The following URB1 variants were observed in gnomAD, a reference collection of about 807,000 sequenced individuals.
The protein encoded by URB1 is nucleolar pre-ribosomal-associated protein 1.
A neutral mutation model predicts 242.3 loss-of-function variants in URB1; 197 were observed. That is an observed-to-expected ratio of 0.81 (90% CI 0.72 to 0.91). The LOEUF is 0.91. Among genes scored for constraint, URB1 ranks in the 40% least tolerant of loss-of-function variants. URB1 has a pLI of 0.00. For missense variants in URB1, 2,721 were observed against 2,860.5 expected (o/e 0.95, Z 1.11); for synonymous variants, 1,153 against 1,201.8 (o/e 0.96, Z 0.84).
chr21:32,332,050 C>G (rs1417734508), intron 30 of URB1, among the ~76,000 whole-genome samples: 1 of 152,196 alleles, frequency 6.6e-6, no homozygotes, highest in East Asian at 1.9e-4. Context: ...CCATCTCAAC[C>G]AACAGTCACA....
At chr21:32,377,833 A>C (rs960767868) in intron 5 of URB1, among the ~76,000 whole-genome samples, 2 of 152,134 alleles carry the variant, frequency 1.3e-5, no homozygotes, top group Non-Finnish European at 2.9e-5. Context: ...CCTCACCTCC[A>C]GACAGGCCAG....
chr21:32,319,115 C>T (rs1297645244), intron 36 of URB1, 102 bp downstream of exon 36: 2 of 1,196,038 alleles, frequency 1.7e-6, no homozygotes, highest in Non-Finnish European at 2.3e-6. Context: ...GCCCAGCGTC[C>T]CCCTGGTACA....
chr21:32,316,683 G>C lies in URB1; in HGVS notation c.6417C>G (p.Leu2139=). The stretch of plus-strand genomic sequence containing the variant: ...TGCTCCTCACGGCACTGTCCTTAAG[G>C]AGGTCAGCCACGACCACAGGGTGTG... The part of the protein sequence containing the change: ...ILPHPVVVAD[L]LKDSAVRSSI... The change falls in exon 38 of 39, where the codon CTC becomes CTG. Residue 2139 remains leucine (L), a synonymous_variant. Coordinates refer to ENST00000382751, the MANE Select transcript of URB1 (RefSeq NM_014825.3). The C allele has an allele frequency of 6.4e-7, 1 of 1,551,458 alleles. No individual in the cohort carries two copies. The highest frequency in any genetic ancestry group is 8.7e-7 in the Non-Finnish European group (1 of 1,146,890).
intron 1 of URB1, among the ~76,000 whole-genome samples, chr21:32,390,262 A>G (rs2030789605): frequency 6.6e-6 from 1 of 152,220 alleles, no homozygotes; most frequent in African/African-American, 2.4e-5. Context: ...AGACCATGAA[A>G]TATAGATACT....
chr21:32,330,165 G>GC (rs148823192), intron 30 of URB1, among the ~76,000 whole-genome samples: 1 of 148,228 alleles, frequency 6.7e-6, no homozygotes, highest in African/African-American at 2.5e-5. Flanking sequence ...GATGCTCAGA[G>GC]CAACATCTAA....
chr21:32,362,109 C>G (rs2033296072), intron 11 of URB1, 88 bp from the exon 12 acceptor site: 1 of 1,482,788 alleles, frequency 6.7e-7, no homozygotes, highest in African/African-American at 1.4e-5. Flanking sequence ...ATGCAAAAAA[C>G]AGGGAGGGGG....
At chr21:32,350,494 A>T (rs940829834) in intron 20 of URB1, among the ~76,000 whole-genome samples, 18 of 152,198 alleles carry the variant, frequency 1.2e-4, no homozygotes, top group Non-Finnish European at 2.6e-4. Flanking sequence ...GGCTGCCCTG[A>T]AAACAAAGTC....
At chr21:32,387,600 CAAAAAAAAAA>C (rs764839350) in intron 1 of URB1, among the ~76,000 whole-genome samples, 2 of 124,800 alleles carry the variant, frequency 1.6e-5, no homozygotes, top group Non-Finnish European at 3.3e-5. Context: ...TCACCTTATT[CAAAAAAAAAA>C]AAAAAAAAAG....
At chr21:32,330,309 A>G (rs1202970464) in intron 30 of URB1, among the ~76,000 whole-genome samples, 1 of 148,900 alleles carries the variant, frequency 6.7e-6, no homozygotes, top group Non-Finnish European at 1.5e-5. Context: ...GACTATTGCA[A>G]TTCCTTTTCA....
At chr21:32,338,041 C>T (rs1669337034) in intron 26 of URB1, among the ~76,000 whole-genome samples, 2 of 152,176 alleles carry the variant, frequency 1.3e-5, no homozygotes, top group Admixed American at 1.3e-4. Context: ...TTTCTACTAC[C>T]CATACCAGTG....
chr21:32,322,243 G>A (rs145642549), intron 33 of URB1, among the ~76,000 whole-genome samples: 1 of 152,310 alleles, frequency 6.6e-6, no homozygotes, highest in East Asian at 1.9e-4. Flanking sequence ...AAGAAAATAT[G>A]AGAATGTCGT....
intron 20 of URB1, among the ~76,000 whole-genome samples, chr21:32,349,798 T>G (rs530882826): frequency 1.3e-5 from 2 of 152,070 alleles, no homozygotes; most frequent in South Asian, 2.1e-4. Context: ...TTAATACACT[T>G]AAGAGGGAGG....
chr21:32,361,175 G>GAAAGAAAGAAAGAAAGAAAC lies in URB1; in HGVS notation c.1640-53_1640-52insGTTTCTTTCTTTCTTTCTTT. ...AAAAGAGAAAAAAGAAAGAAAGAAAGAAAGAAAGAAAGAAAGAAAGAAAGA... is the reference window on the plus strand; with the variant it reads ...AAAAGAGAAAAAAGAAAGAAAGAAAGAAAGAAAGAAAGAAAGAAACAAAGAAAGAAAGAAAGAAAGAAAGA... On this transcript the variant is annotated intron_variant, in intron 12 of 38. Transcript: ENST00000382751. The GAAAGAAAGAAAGAAAGAAAC allele has an allele frequency of 4.2e-6, 3 of 717,618 alleles. 1 individual carries two copies. Among genetic ancestry groups the GAAAGAAAGAAAGAAAGAAAC allele is most frequent in the Non-Finnish European group, 6.5e-6 (3 of 459,996 alleles). 44.5% of individuals were successfully genotyped at this position (717,618 alleles called of 1,614,324 possible).
chr21:32,319,440 A>T, intron 35 of URB1, 26 bp from the exon 36 acceptor site: 15 of 1,489,872 alleles, frequency 1.0e-5, no homozygotes, highest in Non-Finnish European at 1.3e-5. Flanking sequence ...ACAGCCTTCA[A>T]TCCGCCACAT....
At chr21:32,387,581 G>A (rs2033596963) in intron 1 of URB1, among the ~76,000 whole-genome samples, 1 of 134,326 alleles carries the variant, frequency 7.4e-6, no homozygotes, top group African/African-American at 2.8e-5. Flanking sequence ...CTTCTGGGGA[G>A]TGAAGACTTC....
intron 30 of URB1, among the ~76,000 whole-genome samples, chr21:32,329,543 A>G (rs2123555485): frequency 6.6e-6 from 1 of 152,350 alleles, no homozygotes; most frequent in Admixed American, 6.5e-5. Context: ...GTTGAGGACA[A>G]GAGTTTGCTG....
intron 8 of URB1, among the ~76,000 whole-genome samples, chr21:32,370,905 T>C (rs1424152485): frequency 6.6e-6 from 1 of 152,218 alleles, no homozygotes; most frequent in Non-Finnish European, 1.5e-5. Flanking sequence ...AGTGAACACC[T>C]ACTATGTGCC....
rs1024044577 is a variant in URB1 at position 32,314,165 on chromosome 21, T to G, written c.*753A>C. The G allele has an allele frequency of 5.0e-6, 1 of 198,898 alleles. No individual in the cohort carries two copies. Among genetic ancestry groups the G allele is most frequent in the Non-Finnish European group, 1.0e-5 (1 of 95,682 alleles). The allele number at this position is 198,898 out of a possible 1,614,324, so 12.3% of individuals were successfully genotyped here. On this transcript the variant is annotated 3_prime_UTR_variant, in exon 39 of 39. Transcript: ENST00000382751. ...AGTCATACTAATACTTTGTTATGAC[T>G]TTTTATAGAAAAACAAACTTTATTT... is the stretch of plus-strand genomic sequence containing the variant.
At chr21:32,352,565 C>T (rs2033169578) in intron 19 of URB1, 145 bp downstream of exon 19, 2 of 877,756 alleles carry the variant, frequency 2.3e-6, no homozygotes, top group East Asian at 2.7e-5. Flanking sequence ...ACTTAGCTTC[C>T]TCTCTTATGC....
Sources: allele counts gnomAD v4.1 joint callset (sites outside exome capture counted in the v4.1 genomes callset), GRCh38; gene constraint gnomAD v4.1.1; transcripts MANE v1.5; gene names NCBI Gene and HGNC (gene_info 2026-07-23, HGNC 2026-07-21).